COL26A1: variants seen among roughly 807,000 people sequenced by gnomAD.
COL26A1 encodes collagen alpha-1(XXVI) chain.
Under a neutral mutation model 59.3 loss-of-function variants are expected in COL26A1, and 41 were observed. The ratio of observed to expected loss-of-function variants is 0.69; its 90% CI spans 0.54 to 0.90. The LOEUF (loss-of-function observed/expected upper bound fraction) is 0.90. Among genes scored for constraint, COL26A1 ranks in the 40% least tolerant of loss-of-function variants. COL26A1 has a pLI of 0.00. For synonymous variants in COL26A1, 266 were observed against 256.0 expected (o/e 1.04, Z -0.37); for missense variants, 612 against 602.3 (o/e 1.02, Z -0.17).
At chr7:101,451,756 G>T (rs1226136626) in intron 3 of COL26A1, among the ~76,000 whole-genome samples, 7 of 149,022 alleles carry the variant, frequency 4.7e-5, no homozygotes, top group African/African-American at 1.8e-4. Context: ...CCAGGCTGGA[G>T]TGCAGTGGCA....
rs1373637215 is a variant in COL26A1, at chr7:101,533,073, C to T, written c.386-9C>T. 6.3e-7 allele frequency: 1 copy of T among 1,599,812 alleles called. No individual in the cohort carries two copies. The highest frequency in any genetic ancestry group is 8.5e-7 in the Non-Finnish European group (1 of 1,173,768). ...CTCTGCTCTCATATAAGTTCCTCTTCTCTTTCAGAATGCATGAACTGCACC... is the reference window on the plus strand; with the variant it reads ...CTCTGCTCTCATATAAGTTCCTCTTTTCTTTCAGAATGCATGAACTGCACC... On this transcript the variant is annotated splice_polypyrimidine_tract_variant and intron_variant, in intron 3 of 12. Coordinates refer to ENST00000313669, the MANE Select transcript of COL26A1 (RefSeq NM_001278563.3).
chr7:101,549,492 T>C (rs1321148315), intron 9 of COL26A1, among the ~76,000 whole-genome samples: 1 of 152,232 alleles, frequency 6.6e-6, no homozygotes, highest in Non-Finnish European at 1.5e-5. Flanking sequence ...GTGATTCTCC[T>C]GCCTCAGCCT....
At chr7:101,510,807 A>G (rs1213626701) in intron 3 of COL26A1, among the ~76,000 whole-genome samples, 3 of 152,112 alleles carry the variant, frequency 2.0e-5, no homozygotes, top group Non-Finnish European at 4.4e-5. Context: ...GGCGTGAGCC[A>G]CTGTGTCTGG....
At chr7:101,505,607 A>G (rs1460911408) in intron 3 of COL26A1, among the ~76,000 whole-genome samples, 1 of 152,226 alleles carries the variant, frequency 6.6e-6, no homozygotes, top group Non-Finnish European at 1.5e-5. Flanking sequence ...GGAAGCATCC[A>G]GCATGGGAGA....
At chr7:101,396,597 G>A in intron 1 of COL26A1, among the ~76,000 whole-genome samples, 1 of 152,132 alleles carries the variant, frequency 6.6e-6, no homozygotes, top group East Asian at 1.9e-4. Flanking sequence ...CTAGTAGCTG[G>A]GACTACAGGT....
At chr7:101,415,434 G>A (rs80194886) in intron 1 of COL26A1, among the ~76,000 whole-genome samples, 3,595 of 152,222 alleles carry the variant, frequency 0.024, 56 homozygotes, top group Non-Finnish European at 0.035. Context: ...GTTTACAGGC[G>A]TGAGCCACTG....
rs188893907 is a variant in COL26A1, at chr7:101,547,334, C to T, written c.940+95C>T. 3.0e-3 allele frequency: 2,297 copies of T among 760,368 alleles called. 10 individuals are homozygous for T. Among genetic ancestry groups the T allele is most frequent in the Non-Finnish European group, 3.7e-3 (1,733 of 469,416 alleles). 47.1% of individuals were successfully genotyped at this position (760,368 alleles called of 1,614,324 possible). A position where few individuals can be genotyped will look rare whatever the true frequency, so the allele number is the denominator to read the frequency against. On this transcript the variant is annotated intron_variant, in intron 8 of 12. Transcript: ENST00000313669. ...TTGAGGGGAGCTGGAGGTCGGCTGG[C>T]GGTCCATGGCTTCTGGGCAATGCTG... is the stretch of plus-strand genomic sequence containing the variant.
intron 2 of COL26A1, among the ~76,000 whole-genome samples, chr7:101,435,664 G>A (rs536518678): frequency 2.0e-5 from 3 of 152,312 alleles, no homozygotes; most frequent in African/African-American, 7.2e-5. Context: ...GTTGGCTGCT[G>A]GCTGGGACGG....
intron 1 of COL26A1, among the ~76,000 whole-genome samples, chr7:101,404,258 C>T (rs1792077425): frequency 6.6e-6 from 1 of 152,186 alleles, no homozygotes. Flanking sequence ...CAGCCACTCA[C>T]TTCTCAATAT....
At position 101,404,504 on chromosome 7, in the gene COL26A1, C is replaced by T. The variant is rs559961389; in HGVS notation, c.159-15473C>T. 3.9e-5 allele frequency among the ~76,000 whole-genome samples: 6 copies of T among 152,298 alleles called. No individual in the cohort carries two copies. In the South Asian group the frequency reaches 1.2e-3, roughly 32 times the overall value. On this transcript the variant is annotated intron_variant, in intron 1 of 12. Coordinates refer to ENST00000313669, the MANE Select transcript of COL26A1 (RefSeq NM_001278563.3). ...GTTTTCCATCTACAAAGTAGCAGTT[C>T]ACCTTCCCAGGGGAGCCAGAAGTCC...
chr7:101,509,198 A>G (rs999990384), intron 3 of COL26A1, among the ~76,000 whole-genome samples: 3 of 152,088 alleles, frequency 2.0e-5, no homozygotes, highest in Non-Finnish European at 4.4e-5. Flanking sequence ...TAATCCCAGC[A>G]CTTTGGGAGG....
chr7:101,482,019 CT>C lies in COL26A1; in HGVS notation c.385+34245del, dbSNP rs377074370. On this transcript the variant is annotated intron_variant, in intron 3 of 12. Coordinates refer to ENST00000313669, the MANE Select transcript of COL26A1 (RefSeq NM_001278563.3). ...ACTAATATCATATGTACTCTTTTTC[CT>C]TTTTTTTTTTTTCCTAGACCAAGTC... is the stretch of plus-strand genomic sequence containing the variant. Among the ~76,000 whole-genome samples the C allele has an allele frequency of 4.6e-3, 667 of 143,668 alleles. 2 individuals carry two copies. The highest frequency in any genetic ancestry group is 8.7e-3 in the African/African-American group (344 of 39,606). The allele number at this position is 143,668 out of a possible 152,430, so 94.3% of individuals were successfully genotyped here. A position where few individuals can be genotyped will look rare whatever the true frequency, so the allele number is the denominator to read the frequency against.
intron 3 of COL26A1, among the ~76,000 whole-genome samples, chr7:101,531,871 T>C (rs1418894256): frequency 6.6e-6 from 1 of 151,994 alleles, no homozygotes; most frequent in Non-Finnish European, 1.5e-5. Flanking sequence ...GCTGACAGTG[T>C]CGGGGGGCCG....
chr7:101,394,802 G>A (rs1211948289), intron 1 of COL26A1, among the ~76,000 whole-genome samples: 1 of 151,136 alleles, frequency 6.6e-6, no homozygotes, highest in African/African-American at 2.4e-5. Context: ...TGAGAAAGCA[G>A]GAGACCTCCA....
At position 101,491,069 on chromosome 7, in the gene COL26A1, G is replaced by C. The variant is rs1454907738; in HGVS notation, c.386-42013G>C. ...GGAGGCTGAGGCACAAACATTGCTT[G>C]AATGTGTGAGGCAAAAAAAAAAAGC... On this transcript the variant is annotated intron_variant, in intron 3 of 12. Coordinates refer to ENST00000313669, the MANE Select transcript of COL26A1 (RefSeq NM_001278563.3). 4.6e-5 allele frequency among the ~76,000 whole-genome samples: 7 copies of C among 151,374 alleles called. No homozygotes were observed. The East Asian group carries it at 1.4e-3, about 29-fold the overall frequency.
chr7:101,472,808 C>T (rs1166319472), intron 3 of COL26A1, among the ~76,000 whole-genome samples: 4 of 78 alleles, frequency 0.051, no homozygotes, highest in Non-Finnish European at 0.091. Flanking sequence ...GTTGTGGGGC[C>T]CCAGGGGACC....
intron 3 of COL26A1, among the ~76,000 whole-genome samples, chr7:101,530,252 A>G (rs1795335900): frequency 6.6e-6 from 1 of 152,012 alleles, no homozygotes; most frequent in Non-Finnish European, 1.5e-5. Flanking sequence ...CCGCACAGGA[A>G]TCATTGGTTG....
At chr7:101,552,202 C>T (rs143998068) in intron 10 of COL26A1, among the ~76,000 whole-genome samples, 31 of 152,318 alleles carry the variant, frequency 2.0e-4, no homozygotes, top group Middle Eastern at 3.4e-3. Flanking sequence ...ATCCTCCTAA[C>T]AACAGATGAG....
At chr7:101,547,738 T>C (rs1795767959) in intron 8 of COL26A1, among the ~76,000 whole-genome samples, 1 of 152,278 alleles carries the variant, frequency 6.6e-6, no homozygotes, top group African/African-American at 2.4e-5. Flanking sequence ...TATTCACTGA[T>C]TCATTCATTC....
Sources: gnomAD v4.1 joint callset for allele counts (sites outside exome capture counted in the v4.1 genomes callset) on GRCh38, gnomAD v4.1.1 for gene constraint, MANE v1.5 for transcripts, NCBI Gene and HGNC (gene_info 2026-07-23, HGNC 2026-07-21) for gene names.